The following MTMR9 variants were observed in gnomAD, a reference collection of about 807,000 sequenced individuals.
The protein encoded by MTMR9 is myotubularin-related protein 9.
MTMR9 carries 39 observed loss-of-function variants against 69.5 expected under a neutral mutation model. That is an observed-to-expected ratio of 0.56 (90% CI 0.43 to 0.73). MTMR9 has a LOEUF of 0.73. Among genes scored for constraint, MTMR9 ranks in the 30% least tolerant of loss-of-function variants. MTMR9 has a pLI of 0.00. For synonymous variants in MTMR9, 354 were observed against 240.8 expected, an observed-to-expected ratio of 1.47 and a Z score of -4.35; for missense variants, 900 against 671.2, an observed-to-expected ratio of 1.34 and a Z score of -3.77.
chr8:11,302,426 T>C (rs1170105905), intron 3 of MTMR9, among the ~76,000 whole-genome samples: 1 of 151,990 alleles, frequency 6.6e-6, no homozygotes, highest in Non-Finnish European at 1.5e-5. Context: ...AAAAAATCTT[T>C]AGACATGTTG....
At chr8:11,298,188 G>T (rs189750835) in intron 2 of MTMR9, among the ~76,000 whole-genome samples, 1 of 152,244 alleles carries the variant, frequency 6.6e-6, no homozygotes, top group East Asian at 1.9e-4. Context: ...TAAAGGAAAA[G>T]ACCTCTTTCT....
the MTMR9 span, among the ~76,000 whole-genome samples, chr8:11,336,190 T>G: frequency 4.3e-4 from 65 of 152,288 alleles, no homozygotes; most frequent in African/African-American, 1.1e-3. Context: ...ATTCTGGTGT[T>G]GATAGGTTGG....
intron 1 of MTMR9, among the ~76,000 whole-genome samples, chr8:11,287,359 TGCTG>T (rs1328642193): frequency 2.0e-5 from 3 of 152,288 alleles, no homozygotes; most frequent in African/African-American, 7.2e-5. Context: ...ATTTACAAGG[TGCTG>T]GGCTTTGTAG....
At chr8:11,317,176 T>A (rs1800454841) in intron 8 of MTMR9, 1 of 205,492 alleles carries the variant, frequency 4.9e-6, no homozygotes, top group Non-Finnish European at 9.6e-6. Flanking sequence ...ATCTTACATG[T>A]GGAAAAAGCC....
chr8:11,330,245 TGG>T (rs1801155904), downstream of MTMR9, among the ~76,000 whole-genome samples: 1 of 144,068 alleles, frequency 6.9e-6, no homozygotes, highest in Non-Finnish European at 1.5e-5. Flanking sequence ...GGGAGGGAGG[TGG>T]AGGGTCAGCC....
At chr8:11,289,280 T>G (rs1000711190) in intron 1 of MTMR9, among the ~76,000 whole-genome samples, 3 of 152,242 alleles carry the variant, frequency 2.0e-5, no homozygotes, top group Non-Finnish European at 2.9e-5. Flanking sequence ...GAATTGTAAA[T>G]GAGGTGAGAA....
chr8:11,331,624 T>C (rs1347294287), downstream of MTMR9: 6 of 1,613,106 alleles, frequency 3.7e-6, no homozygotes, highest in Non-Finnish European at 5.1e-6. Flanking sequence ...ATCATCATTC[T>C]GGGACCTGGA....
Position 11,326,329 on chromosome 8 carries a change from C to G in MTMR9, c.*3541C>G, listed in dbSNP as rs1190045383. The G allele has an allele frequency of 1.3e-5, 2 of 152,174 alleles. No homozygotes were observed. The highest frequency in any genetic ancestry group is 4.8e-5 in the African/African-American group (2 of 41,434). 9.4% of individuals were successfully genotyped at this position (152,174 alleles called of 1,614,324 possible). On this transcript the variant is annotated 3_prime_UTR_variant, in exon 10 of 10. Coordinates refer to ENST00000221086, the MANE Select transcript of MTMR9 (RefSeq NM_015458.4). ...TTCTAGATAGAATGAATGAAAACAA[C>G]ACAAGCGTTTTATGAGCACTCTTTA...
intron 2 of MTMR9, among the ~76,000 whole-genome samples, chr8:11,295,570 C>T (rs1022454326): frequency 6.6e-6 from 1 of 152,130 alleles, no homozygotes; most frequent in East Asian, 1.9e-4. Context: ...TGTGGAATTT[C>T]CATGAGTTCA....
At position 11,325,364 on chromosome 8, in the gene MTMR9, G is replaced by A. The variant is rs778800391; in HGVS notation, c.*2576G>A. 4 of 152,330 alleles carry A rather than the reference G, an allele frequency of 2.6e-5. No homozygotes were observed. Among genetic ancestry groups the A allele is most frequent in the East Asian group, 1.9e-4 (1 of 5,186 alleles). 9.4% of individuals were successfully genotyped at this position (152,330 alleles called of 1,614,324 possible). A position where few individuals can be genotyped will look rare whatever the true frequency, so the allele number is the denominator to read the frequency against. On this transcript the variant is annotated 3_prime_UTR_variant, in exon 10 of 10. Coordinates refer to ENST00000221086, the MANE Select transcript of MTMR9 (RefSeq NM_015458.4). ...CGGATACACTCCTGAGAAGACACTC[G>A]TTAAACATTGCATCGGAGAGCTGCC...
At chr8:11,295,785 A>G (rs1799534442) in intron 2 of MTMR9, among the ~76,000 whole-genome samples, 1 of 152,328 alleles carries the variant, frequency 6.6e-6, no homozygotes, top group South Asian at 2.1e-4. Context: ...AAAATCTTAT[A>G]TGGAATTGTA....
At chr8:11,298,337 C>T (rs962100537) in intron 2 of MTMR9, among the ~76,000 whole-genome samples, 5 of 151,874 alleles carry the variant, frequency 3.3e-5, no homozygotes, top group Non-Finnish European at 5.9e-5. Context: ...TGTTCTGCTT[C>T]TGTTTGGTGT....
At chr8:11,313,659 C>A (rs1439277524) in intron 6 of MTMR9, among the ~76,000 whole-genome samples, 2 of 152,124 alleles carry the variant, frequency 1.3e-5, no homozygotes, top group East Asian at 1.9e-4. Flanking sequence ...GAGAGTCTCC[C>A]TGAAGAGAGA....
At position 11,309,556 on chromosome 8, in the gene MTMR9, A is replaced by G; in HGVS notation, c.839A>G (p.Lys280Arg). Reference sequence around the variant, plus strand: ...CACATTCTTCAGGAGAGCTTAATCAAACTTGTGGAAGCTTGTAATGACCAA... The same window carrying G: ...CACATTCTTCAGGAGAGCTTAATCAGACTTGTGGAAGCTTGTAATGACCAA... ...RYHILQESLIKLVEACNDQTH... is the reference protein window; with the variant it reads ...RYHILQESLIRLVEACNDQTH... Residue 280 changes from lysine (K) to arginine (R), a missense_variant, in exon 6 of 10, where the codon AAA becomes AGA. Transcript: ENST00000221086. 1 of 1,613,732 alleles carries G rather than the reference A, an allele frequency of 6.2e-7. No individual in the cohort carries two copies.
intron 5 of MTMR9, 33 bp from the exon 6 acceptor site, chr8:11,309,494 G>A (rs762752002): frequency 1.3e-6 from 2 of 1,557,622 alleles, no homozygotes; most frequent in South Asian, 2.4e-5. Context: ...TATTTTCTGG[G>A]TTTGTTATTT....
the MTMR9 span, among the ~76,000 whole-genome samples, chr8:11,337,485 G>C: frequency 1.3e-5 from 2 of 152,136 alleles, no homozygotes; most frequent in South Asian, 4.1e-4. Context: ...CCTTGCATTT[G>C]TCTTCCTCAG....
downstream of MTMR9, chr8:11,332,343 A>T (rs1180831687): frequency 1.2e-6 from 1 of 839,042 alleles, no homozygotes; most frequent in African/African-American, 1.8e-5. Flanking sequence ...TTACAGGAAT[A>T]AAATTAATTG....
intron 6 of MTMR9, 96 bp from the exon 7 acceptor site, chr8:11,314,827 C>CT: frequency 8.2e-7 from 1 of 1,222,456 alleles, no homozygotes; most frequent in Non-Finnish European, 1.2e-6. Context: ...ACTCAGTAGA[C>CT]TAAAATGTTG....
chr8:11,308,218 G>C (rs1215290551), intron 5 of MTMR9, among the ~76,000 whole-genome samples: 1 of 152,128 alleles, frequency 6.6e-6, no homozygotes, highest in African/African-American at 2.4e-5. Context: ...TGATTTTTGA[G>C]TATGGTGTGA....
Sources: gnomAD v4.1 joint callset for allele counts (sites outside exome capture counted in the v4.1 genomes callset) on GRCh38, gnomAD v4.1.1 for gene constraint, MANE v1.5 for transcripts, NCBI Gene and HGNC (gene_info 2026-07-23, HGNC 2026-07-21) for gene names.